The following RBM38 variants were observed in gnomAD, a reference collection of about 807,000 sequenced individuals.
The protein encoded by RBM38 is RNA-binding protein 38.
RBM38 carries 11 observed loss-of-function variants against 23.5 expected under a neutral mutation model. The ratio of observed to expected loss-of-function variants is 0.47; its 90% CI spans 0.29 to 0.77. The LOEUF (loss-of-function observed/expected upper bound fraction) is 0.77. Among genes scored for constraint, RBM38 ranks in the 30% least tolerant of loss-of-function variants. The pLI is 0.08. For missense variants in RBM38, 330 were observed against 351.9 expected (o/e 0.94, Z 0.50); for synonymous variants, 165 against 166.1 (o/e 0.99, Z 0.05).
chr20:57,406,288 T>G (rs1319756540), intron 3 of RBM38, among the ~76,000 whole-genome samples: 3 of 151,988 alleles, frequency 2.0e-5, no homozygotes, highest in Non-Finnish European at 2.9e-5. Context: ...GAGCCTCATT[T>G]CCCCCTGTGC....
chr20:57,393,090 C>T (rs2067237948), intron 2 of RBM38, 189 bp from the exon 3 acceptor site: 3 of 659,120 alleles, frequency 4.6e-6, no homozygotes, highest in Non-Finnish European at 5.3e-6. Context: ...CTGACACCTG[C>T]GTCACTCACT....
At chr20:57,393,541 GC>G (rs1158094955) in intron 3 of RBM38, among the ~76,000 whole-genome samples, 1 of 152,234 alleles carries the variant, frequency 6.6e-6, no homozygotes, top group African/African-American at 2.4e-5. Flanking sequence ...CTTGGAGCCT[GC>G]CTGCCTTGGT....
chr20:57,401,488 G>A (rs148833742), intron 3 of RBM38, among the ~76,000 whole-genome samples: 3 of 152,210 alleles, frequency 2.0e-5, no homozygotes, highest in African/African-American at 7.2e-5. Context: ...GCCATTCCAC[G>A]GGGGGGCTCT....
intron 3 of RBM38, among the ~76,000 whole-genome samples, chr20:57,395,496 T>C (rs1203777291): frequency 6.6e-6 from 1 of 152,162 alleles, no homozygotes; most frequent in African/African-American, 2.4e-5. Flanking sequence ...GGCCATTTAA[T>C]ACTTGTGACG....
chr20:57,392,853 GCC>G, intron 2 of RBM38, 76 bp downstream of exon 2: 1 of 1,557,370 alleles, frequency 6.4e-7, no homozygotes, highest in Admixed American at 1.9e-5. Context: ...GTGGAAAGAG[GCC>G]CCCCCTCCTC....
Position 57,391,562 on chromosome 20 carries a change from T to TAGGCGCGGGG in RBM38, c.-15_-14insCGGGGAGGCG. The TAGGCGCGGGG allele has an allele frequency of 1.9e-6, 2 of 1,053,254 alleles. No individual in the cohort carries two copies. The highest frequency in any genetic ancestry group is 4.4e-5 in the South Asian group (1 of 22,520). 65.2% of individuals were successfully genotyped at this position (1,053,254 alleles called of 1,614,324 possible). On this transcript the variant is annotated 5_prime_UTR_variant, in exon 1 of 4. Coordinates refer to ENST00000356208, the MANE Select transcript of RBM38 (RefSeq NM_017495.6). ...CGCAGCCCCGCGCGGCCCGGGTCCG[T>TAGGCGCGGGG]AGGCGGCGGGGCGCCCCCCATGCTG...
At chr20:57,394,798 G>A (rs759521928) in intron 3 of RBM38, among the ~76,000 whole-genome samples, 5 of 152,180 alleles carry the variant, frequency 3.3e-5, no homozygotes, top group African/African-American at 1.2e-4. Flanking sequence ...CACAGCAGGC[G>A]CCTGGGGGCA....
intron 3 of RBM38, among the ~76,000 whole-genome samples, chr20:57,404,975 G>A (rs546016286): frequency 1.8e-4 from 28 of 152,314 alleles, no homozygotes; most frequent in Non-Finnish European, 1.5e-4. Flanking sequence ...GAGGTGCCAC[G>A]AGAGGGTTGT....
At chr20:57,392,978 G>A (rs914671475) in intron 2 of RBM38, 20 of 772,520 alleles carry the variant, frequency 2.6e-5, no homozygotes, top group African/African-American at 7.0e-5. Flanking sequence ...AGAAGGGGGC[G>A]GGGGGCAGGG....
chr20:57,401,657 A>G (rs1568811022), intron 3 of RBM38, among the ~76,000 whole-genome samples: 1 of 152,190 alleles, frequency 6.6e-6, no homozygotes, highest in Non-Finnish European at 1.5e-5. Flanking sequence ...ATCATAAGGA[A>G]ACAGAGCCGC....
In RBM38 at chr20:57,405,627, C is replaced by T. The variant is rs577020102; in HGVS notation, c.417-1916C>T. ...CACTTCCCAGATGGGGTGGGGGGAG[C>T]AAGAGGCCCTGTCGTCCAGGTTTTC... On this transcript the variant is annotated intron_variant, in intron 3 of 3. Coordinates refer to ENST00000356208, the MANE Select transcript of RBM38 (RefSeq NM_017495.6). Among the ~76,000 whole-genome samples, 5 of 152,330 alleles carry T rather than the reference C, an allele frequency of 3.3e-5. No individual in the cohort carries two copies. In the South Asian group the frequency reaches 1.0e-3, roughly 32 times the overall value.
intron 3 of RBM38, among the ~76,000 whole-genome samples, chr20:57,394,151 C>T (rs1390622730): frequency 1.3e-5 from 2 of 152,186 alleles, no homozygotes; most frequent in Non-Finnish European, 2.9e-5. Context: ...AGGGCATTGG[C>T]ACTTCATGAA....
intron 3 of RBM38, among the ~76,000 whole-genome samples, chr20:57,404,206 C>T (rs189207290): frequency 9.0e-4 from 137 of 152,350 alleles, no homozygotes; most frequent in East Asian, 6.7e-3. Context: ...TGCCCCACAG[C>T]CCCAGGCACT....
intron 3 of RBM38, among the ~76,000 whole-genome samples, chr20:57,406,310 C>T (rs2146220639): frequency 6.6e-6 from 1 of 152,304 alleles, no homozygotes; most frequent in East Asian, 1.9e-4. Context: ...GAGGGCTGGG[C>T]ATGCTGTTGT....
chr20:57,407,917 G>A lies in RBM38; in HGVS notation c.*71G>A. 6.8e-7 allele frequency: 1 copy of A among 1,477,972 alleles called. No homozygotes were observed. The highest frequency in any genetic ancestry group is 9.0e-7 in the Non-Finnish European group (1 of 1,110,612). The allele number at this position is 1,477,972 out of a possible 1,614,324, so 91.6% of individuals were successfully genotyped here. On this transcript the variant is annotated 3_prime_UTR_variant, in exon 4 of 4. Transcript: ENST00000356208. This position sits in a 1 kb window ranked among gnomAD's most constrained non-coding sequence, Gnocchi z 4.0. ...AGACAGAGCTGCCAGGCCATGATGGGCTGGCGACAGCCCGGCTGAGCTTCA... is the reference window on the plus strand; with the variant it reads ...AGACAGAGCTGCCAGGCCATGATGGACTGGCGACAGCCCGGCTGAGCTTCA...
chr20:57,393,248 G>A (rs777957285), intron 2 of RBM38, 31 bp from the exon 3 acceptor site: 1 of 1,610,802 alleles, frequency 6.2e-7, no homozygotes, highest in Admixed American at 1.7e-5. Context: ...CGTGCAGCAA[G>A]GCCAAGTCCC....
intron 3 of RBM38, among the ~76,000 whole-genome samples, chr20:57,403,534 T>C (rs978275616): frequency 6.6e-6 from 1 of 152,162 alleles, no homozygotes; most frequent in African/African-American, 2.4e-5. Context: ...ACTGTACCAG[T>C]CCCTTGCTCT....
At position 57,397,711 on chromosome 20, in the gene RBM38, C is replaced by A. The variant is rs142820627; in HGVS notation, c.416+4378C>A. Among the ~76,000 whole-genome samples the A allele has an allele frequency of 3.9e-3, 595 of 152,350 alleles. 6 individuals are homozygous for A. The highest frequency in any genetic ancestry group is 0.014 in the African/African-American group (579 of 41,590). Reference sequence around the variant, plus strand: ...ATGCACAAGCTGGGGAGAATGTCGACAGCTACTCCCAGCATCATTCATTCA... The same window carrying A: ...ATGCACAAGCTGGGGAGAATGTCGAAAGCTACTCCCAGCATCATTCATTCA... On this transcript the variant is annotated intron_variant, in intron 3 of 3. Transcript: ENST00000356208.
At position 57,407,180 on chromosome 20, in the gene RBM38, C is replaced by T. The variant is rs1017254199; in HGVS notation, c.417-363C>T. ...ATTCGTACCGGGCCCTGCTCTTGAT[C>T]GCATGCTCCGCCGTCGTGGCTTCAA... On this transcript the variant is annotated intron_variant, in intron 3 of 3. Coordinates refer to ENST00000356208, the MANE Select transcript of RBM38 (RefSeq NM_017495.6). This position sits in a 1 kb window ranked among gnomAD's most constrained non-coding sequence, Gnocchi z 4.0. 2.0e-5 allele frequency among the ~76,000 whole-genome samples: 3 copies of T among 152,132 alleles called. No individual in the cohort carries two copies. Among genetic ancestry groups the T allele is most frequent in the Admixed American group, 6.5e-5 (1 of 15,286 alleles).
Sources: gnomAD v4.1 joint callset for allele counts (sites outside exome capture counted in the v4.1 genomes callset) on GRCh38, gnomAD v4.1.1 for gene constraint, Gnocchi (gnomAD v3.1) non-coding constraint, MANE v1.5 for transcripts, NCBI Gene and HGNC (gene_info 2026-07-23, HGNC 2026-07-21) for gene names.